The following ABCA1 variants were observed in gnomAD, a reference collection of about 807,000 sequenced individuals.
The protein encoded by ABCA1 is phospholipid-transporting ATPase ABCA1.
A neutral mutation model predicts 262.5 loss-of-function variants in ABCA1; 133 were observed. The ratio of observed to expected loss-of-function variants is 0.51; its 90% CI spans 0.44 to 0.59. The LOEUF is 0.59. Ranked by LOEUF, ABCA1 falls within the 20% of genes least tolerant of loss-of-function variation. The pLI is 0.00. For missense variants in ABCA1, 2,452 were observed against 2,777.5 expected (o/e 0.88, Z 2.63); for synonymous variants, 1,022 against 1,043.5 (o/e 0.98, Z 0.40).
intron 38 of ABCA1, 50 bp from the exon 39 acceptor site, chr9:104,796,247 T>G: frequency 6.2e-7 from 1 of 1,614,042 alleles, no homozygotes; most frequent in Non-Finnish European, 8.5e-7. Flanking sequence ...CTGCCCTCCT[T>G]CTGACACTGG....
chr9:104,788,802 G>A (rs1262526095), intron 44 of ABCA1, among the ~76,000 whole-genome samples: 1 of 152,146 alleles, frequency 6.6e-6, no homozygotes, highest in African/African-American at 2.4e-5. Context: ...GAACACTTCA[G>A]TCTGCAGGTG....
At chr9:104,856,021 G>A in intron 7 of ABCA1, 1 of 1,612,766 alleles carries the variant, frequency 6.2e-7, no homozygotes. Flanking sequence ...ATCTCCGGTT[G>A]CTGCTACTGC....
intron 2 of ABCA1, among the ~76,000 whole-genome samples, chr9:104,903,187 T>C (rs540778876): frequency 1.3e-5 from 2 of 152,286 alleles, no homozygotes; most frequent in South Asian, 2.1e-4. Flanking sequence ...AGAATCCAGA[T>C]TGACACCAAG....
At chr9:104,914,308 C>G (rs1279215921) in intron 1 of ABCA1, among the ~76,000 whole-genome samples, 1 of 151,632 alleles carries the variant, frequency 6.6e-6, no homozygotes, top group African/African-American at 2.4e-5. Context: ...AAAACCCCAT[C>G]TCCACTAAAA....
intron 1 of ABCA1, among the ~76,000 whole-genome samples, chr9:104,911,942 T>C (rs1841522262): frequency 6.6e-6 from 1 of 152,224 alleles, no homozygotes; most frequent in African/African-American, 2.4e-5. Context: ...TTTAAAAATA[T>C]ATAGATCCAG....
intron 1 of ABCA1, among the ~76,000 whole-genome samples, chr9:104,914,100 C>T (rs1217784431): frequency 6.6e-6 from 1 of 151,890 alleles, no homozygotes; most frequent in Non-Finnish European, 1.5e-5. Context: ...CACCCGGCCC[C>T]CTACAAGTTT....
chr9:104,805,934 A>G (rs1365853355), intron 31 of ABCA1, among the ~76,000 whole-genome samples: 2 of 152,080 alleles, frequency 1.3e-5, no homozygotes, highest in Non-Finnish European at 2.9e-5. Flanking sequence ...GCGAAACCCT[A>G]TCTCTACTAA....
chr9:104,825,608 T>C, intron 17 of ABCA1, 75 bp downstream of exon 17: 1 of 1,497,354 alleles, frequency 6.7e-7, no homozygotes, highest in Non-Finnish European at 9.3e-7. Context: ...GCCCATGCAC[T>C]GCAGAGATTC....
intron 7 of ABCA1, among the ~76,000 whole-genome samples, chr9:104,846,986 C>T (rs1160352608): frequency 6.6e-6 from 1 of 152,152 alleles, no homozygotes; most frequent in African/African-American, 2.4e-5. Flanking sequence ...AAAACTATTA[C>T]AAACACAAAC....
chr9:104,852,945 GC>G (rs1444861813), intron 7 of ABCA1, among the ~76,000 whole-genome samples: 1 of 152,254 alleles, frequency 6.6e-6, no homozygotes, highest in East Asian at 1.9e-4. Context: ...GTAACAACAA[GC>G]CCCATCTGTA....
At position 104,818,717 on chromosome 9, in the gene ABCA1, T is replaced by G. The variant is rs748069515; in HGVS notation, c.3408A>C (p.Glu1136Asp). 3 of 1,613,510 alleles carry G rather than the reference T, an allele frequency of 1.9e-6. No individual in the cohort carries two copies. The highest frequency in any genetic ancestry group is 3.3e-5 in the Admixed American group (2 of 59,984). Residue 1136 changes from glutamate to aspartate, a missense_variant, in exon 23 of 50, where the codon GAA becomes GAC. By Grantham distance (45) the Glu-to-Asp change is conservative. Coordinates refer to ENST00000374736, the MANE Select transcript of ABCA1 (RefSeq NM_005502.4). ...TGTTTCTGCAGGAACTGAGGGAGGA[T>G]TCCACATCTTTCTTGACCAAGGTCA... ...YYLTLVKKDVESSLSSCRNSS... is the reference protein window; with the variant it reads ...YYLTLVKKDVDSSLSSCRNSS...
chr9:104,883,715 A>C (rs1838897263), intron 4 of ABCA1, among the ~76,000 whole-genome samples: 1 of 152,224 alleles, frequency 6.6e-6, no homozygotes, highest in Admixed American at 6.5e-5. Context: ...TGAACATGAC[A>C]GTGTGGCCCT....
chr9:104,815,430 CT>C (rs2118948594), intron 25 of ABCA1, among the ~76,000 whole-genome samples: 1 of 152,274 alleles, frequency 6.6e-6, no homozygotes, highest in Admixed American at 6.5e-5. Flanking sequence ...TTTATATCCC[CT>C]TCAGCCTTCA....
At chr9:104,800,474 C>A in intron 35 of ABCA1, 36 bp downstream of exon 35, 2 of 1,582,724 alleles carry the variant, frequency 1.3e-6, no homozygotes, top group South Asian at 2.2e-5. Context: ...GATTATTGTT[C>A]ATCAAAAAGC....
intron 30 of ABCA1, among the ~76,000 whole-genome samples, chr9:104,809,060 T>A (rs1831042414): frequency 6.6e-6 from 1 of 152,260 alleles, no homozygotes. Context: ...TCATATGCCA[T>A]CTTTTCAGAT....
intron 3 of ABCA1, among the ~76,000 whole-genome samples, chr9:104,887,160 C>A (rs547759647): frequency 1.8e-4 from 28 of 152,292 alleles, no homozygotes; most frequent in South Asian, 4.1e-4. Context: ...TGCCTGTAGT[C>A]TCAGCTATTT....
chr9:104,908,167 GACACTGGGACTCAAT>G (rs145018588), intron 1 of ABCA1, among the ~76,000 whole-genome samples: 4,032 of 152,264 alleles, frequency 0.026, 199 homozygotes, highest in African/African-American at 0.092. Context: ...TGTGTATGGA[GACACTGGGACTCAAT>G]ACACTGTGGA....
intron 14 of ABCA1, among the ~76,000 whole-genome samples, chr9:104,830,598 G>A: frequency 6.6e-6 from 1 of 151,986 alleles, no homozygotes; most frequent in Non-Finnish European, 1.5e-5. Context: ...GCTGAGGCAG[G>A]AGAATAGCTT....
chr9:104,925,921 A>C (rs912214125), intron 1 of ABCA1, among the ~76,000 whole-genome samples: 2 of 152,092 alleles, frequency 1.3e-5, no homozygotes, highest in African/African-American at 4.8e-5. Context: ...TGAGAAGAAT[A>C]GGTTGAAATA....
Sources: gnomAD v4.1 joint callset for allele counts (sites outside exome capture counted in the v4.1 genomes callset) on GRCh38, gnomAD v4.1.1 for gene constraint, MANE v1.5 for transcripts, NCBI Gene and HGNC (gene_info 2026-07-23, HGNC 2026-07-21) for gene names.